The following ANK3 variants were observed in gnomAD, a reference collection of about 807,000 sequenced individuals.
The protein encoded by ANK3 is ankyrin-3.
In ANK3, 57 loss-of-function variants were observed where a neutral mutation model predicts 370.9. The ratio of observed to expected loss-of-function variants is 0.15; its 90% confidence interval spans 0.12 to 0.19. ANK3 has a LOEUF of 0.19. Ranked by LOEUF, ANK3 falls within the 10% of genes least tolerant of loss-of-function variation. The probability of loss-of-function intolerance (pLI) is 1.00; values close to 1 mark genes in which losing one functional copy is unlikely to be tolerated. For missense variants in ANK3, 4,439 were observed against 5,302.1 expected, an observed-to-expected ratio of 0.84 and a Z score of 5.06; for synonymous variants, 1,929 against 1,946.3, an observed-to-expected ratio of 0.99 and a Z score of 0.23.
At chr10:60,097,603 C>T (rs6479691) in intron 28 of ANK3, among the ~76,000 whole-genome samples, 151,322 of 152,346 alleles carry the variant, frequency 0.99, 75,159 homozygotes, top group Middle Eastern at 1. Flanking sequence ...CATAATACAA[C>T]GAAGCATAAA....
At chr10:60,137,025 G>A (rs1565241723) in intron 24 of ANK3, among the ~76,000 whole-genome samples, 2 of 151,994 alleles carry the variant, frequency 1.3e-5, no homozygotes. Context: ...CAAACAAACA[G>A]CCCTTCACAT....
At chr10:60,258,644 G>A (rs2097767368) in intron 7 of ANK3, among the ~76,000 whole-genome samples, 1 of 152,106 alleles carries the variant, frequency 6.6e-6, no homozygotes, top group Non-Finnish European at 1.5e-5. Context: ...AACATCTATT[G>A]CATGCAGGAA....
At chr10:60,601,820 CTG>C (rs2078068738) in intron 2 of ANK3, among the ~76,000 whole-genome samples, 1 of 152,116 alleles carries the variant, frequency 6.6e-6, no homozygotes, top group South Asian at 2.1e-4. Context: ...TCTGTAGACT[CTG>C]TACTGCTTTT....
Position 60,075,145 on chromosome 10 carries a change from T to C in ANK3, c.5736A>G (p.Leu1912=). ...LKDVAEMKED[L]MRMTAILQTD... ...TCTGTAGTATTGCGGTCATCCGCAT[T>C]AGGTCCTCTTTCATTTCAGCTACAT... The change falls in exon 37 of 44, where the codon CTA becomes CTG. Residue 1912 remains leucine (L), a synonymous_variant. Coordinates refer to ENST00000280772, the MANE Select transcript of ANK3 (RefSeq NM_020987.5). 2 of 1,614,166 alleles carry C rather than the reference T, an allele frequency of 1.2e-6. No homozygotes were observed. The highest frequency in any genetic ancestry group is 1.3e-5 in the African/African-American group (1 of 75,070).
At chr10:60,407,703 A>C (rs2063482790) in intron 2 of ANK3, among the ~76,000 whole-genome samples, 1 of 152,208 alleles carries the variant, frequency 6.6e-6, no homozygotes, top group Admixed American at 6.5e-5. Flanking sequence ...ACTGAGGCTC[A>C]AGAGAGATTA....
chr10:60,617,784 C>G (rs1482931356), intron 1 of ANK3, among the ~76,000 whole-genome samples: 1 of 152,174 alleles, frequency 6.6e-6, no homozygotes, highest in Non-Finnish European at 1.5e-5. Context: ...TTTACACAGG[C>G]CCAACTCACT....
intron 28 of ANK3, among the ~76,000 whole-genome samples, chr10:60,100,276 G>C (rs1367067896): frequency 4.5e-5 from 3 of 66,942 alleles, no homozygotes; most frequent in African/African-American, 1.9e-4. Context: ...CCACAGTCCT[G>C]ATTTGGTTAA....
chr10:60,062,349 ATATT>A (rs372203900), intron 40 of ANK3: 70 of 152,352 alleles, frequency 4.6e-4, no homozygotes, highest in African/African-American at 1.6e-3. Flanking sequence ...ACATAGGAAG[ATATT>A]TATTATGTTT....
At chr10:60,114,853 T>C (rs2092973459) in intron 25 of ANK3, among the ~76,000 whole-genome samples, 1 of 152,166 alleles carries the variant, frequency 6.6e-6, no homozygotes, top group South Asian at 2.1e-4. Context: ...TACCAAACTC[T>C]GGGAGGGTGA....
chr10:60,131,949 T>C (rs900523388), intron 25 of ANK3, among the ~76,000 whole-genome samples: 1 of 152,222 alleles, frequency 6.6e-6, no homozygotes, highest in African/African-American at 2.4e-5. Context: ...CAAAGTGTCA[T>C]TGATACCTGG....
chr10:60,055,558 G>C lies in ANK3; in HGVS notation c.13065+100C>G, dbSNP rs1380490228. 3 of 1,416,948 alleles carry C rather than the reference G, an allele frequency of 2.1e-6. No individual in the cohort carries two copies. The Admixed American group carries it at 7.0e-5, about 33-fold the overall frequency. The allele number at this position is 1,416,948 out of a possible 1,614,324, so 87.8% of individuals were successfully genotyped here. On this transcript the variant is annotated intron_variant, in intron 42 of 43. Coordinates refer to ENST00000280772, the MANE Select transcript of ANK3 (RefSeq NM_020987.5). ...TTCACACATTTATAATTTAGAAATC[G>C]TAAAAAACCTTGGGCCCCCGGCTGC...
chr10:60,253,617 T>C (rs898733652), intron 7 of ANK3, among the ~76,000 whole-genome samples: 8 of 152,210 alleles, frequency 5.3e-5, no homozygotes, highest in Non-Finnish European at 8.8e-5. Context: ...TTACAAAAAC[T>C]TACTGGTTTT....
intron 1 of ANK3, among the ~76,000 whole-genome samples, chr10:60,659,119 G>T (rs1462021879): frequency 1.1e-4 from 17 of 151,992 alleles, no homozygotes. Flanking sequence ...AAAAGCTAAA[G>T]GTATAAAACT....
intron 23 of ANK3, among the ~76,000 whole-genome samples, chr10:60,153,852 GTC>G (rs1190180705): frequency 6.6e-6 from 1 of 152,178 alleles, no homozygotes; most frequent in Non-Finnish European, 1.5e-5. Flanking sequence ...GCCTAGGACT[GTC>G]TCAGTAAAAA....
At chr10:60,395,166 C>G (rs565962048) in intron 2 of ANK3, among the ~76,000 whole-genome samples, 45 of 152,190 alleles carry the variant, frequency 3.0e-4, no homozygotes, top group African/African-American at 9.9e-4. Context: ...ATATAACATA[C>G]AGATCAAATA....
chr10:60,721,975 A>C (rs1462056593), intron 1 of ANK3, among the ~76,000 whole-genome samples: 1 of 152,174 alleles, frequency 6.6e-6, no homozygotes, highest in Non-Finnish European at 1.5e-5. Context: ...TGATAGGCTG[A>C]ACCCAAATTT....
At chr10:60,302,295 A>G (rs1566405962) in intron 1 of ANK3, among the ~76,000 whole-genome samples, 1 of 152,190 alleles carries the variant, frequency 6.6e-6, no homozygotes, top group Non-Finnish European at 1.5e-5. Flanking sequence ...TAATGTCACA[A>G]TAATGTAGAT....
intron 1 of ANK3, among the ~76,000 whole-genome samples, chr10:60,651,894 C>G (rs2078793661): frequency 6.6e-6 from 1 of 152,110 alleles, no homozygotes; most frequent in Non-Finnish European, 1.5e-5. Context: ...AACAAACACT[C>G]AAATAGTGCT....
chr10:60,277,967 G>C (rs554050488), intron 4 of ANK3, among the ~76,000 whole-genome samples: 1 of 152,206 alleles, frequency 6.6e-6, no homozygotes, highest in Non-Finnish European at 1.5e-5. Flanking sequence ...TGTCTGTGGA[G>C]ACTCAAATAA....
Sources: gnomAD v4.1 joint callset for allele counts (sites outside exome capture counted in the v4.1 genomes callset) on GRCh38, gnomAD v4.1.1 for gene constraint, MANE v1.5 for transcripts, NCBI Gene and HGNC (gene_info 2026-07-23, HGNC 2026-07-21) for gene names.